The following COL23A1 variants were observed in gnomAD, a reference collection of about 807,000 sequenced individuals.
The protein encoded by COL23A1 is collagen type XXIII alpha 1 chain, also known as collagen alpha-1(XXIII) chain.
A neutral mutation model predicts 99.3 loss-of-function variants in COL23A1; 97 were observed. The ratio of observed to expected loss-of-function variants is 0.98; its 90% CI spans 0.83 to 1.16. The LOEUF is 1.16. COL23A1 is among the 50% of genes most tolerant of loss of function. The pLI, the probability that COL23A1 is intolerant of heterozygous loss-of-function variation, is 0.00. For synonymous variants in COL23A1, 320 were observed against 308.2 expected (o/e 1.04, Z -0.40); for missense variants, 762 against 757.4 (o/e 1.01, Z -0.07).
chr5:178,503,433 T>C (rs1758685766), intron 2 of COL23A1, among the ~76,000 whole-genome samples: 1 of 152,186 alleles, frequency 6.6e-6, no homozygotes, highest in Non-Finnish European at 1.5e-5. Flanking sequence ...TGAGGACATA[T>C]CACTGGCTCC....
At position 178,309,534 on chromosome 5, in the gene COL23A1, G is replaced by C. The variant is rs72819094; in HGVS notation, c.362-2615C>G. Reference sequence around the variant, plus strand: ...GGGGGCGCCATGTGACCGACTTGCAGATGGACAAGCGGTCTACCCTTTATT... The same window carrying C: ...GGGGGCGCCATGTGACCGACTTGCACATGGACAAGCGGTCTACCCTTTATT... On this transcript the variant is annotated intron_variant, in intron 2 of 28. Transcript: ENST00000390654. The surrounding 1 kb of genome is among the most constrained non-coding windows in gnomAD (Gnocchi z 4.7). Among the ~76,000 whole-genome samples the C allele has an allele frequency of 0.083, 12,574 of 152,138 alleles. 550 individuals are homozygous for C. The highest frequency in any genetic ancestry group is 0.13 in the Middle Eastern group (38 of 292).
chr5:178,361,394 G>A (rs186145510), intron 2 of COL23A1, among the ~76,000 whole-genome samples: 64 of 152,226 alleles, frequency 4.2e-4, no homozygotes, highest in African/African-American at 1.5e-3. Context: ...TAAGGCTTTC[G>A]AGCCCTTGCT....
intron 22 of COL23A1, 35 bp downstream of exon 22, chr5:178,247,491 G>C (rs773635804): frequency 6.2e-7 from 1 of 1,612,780 alleles, no homozygotes; most frequent in African/African-American, 1.3e-5. Context: ...CAGACGGTGA[G>C]TCTGAGGCCA....
At chr5:178,403,141 A>AC (rs1764563029) in intron 2 of COL23A1, among the ~76,000 whole-genome samples, 2 of 146,240 alleles carry the variant, frequency 1.4e-5, no homozygotes, top group South Asian at 2.2e-4. Flanking sequence ...TAAAAAATAA[A>AC]TACCATTTAC....
rs1443045318 is a variant in COL23A1, at chr5:178,307,827, A to G, written c.362-908T>C. Among the ~76,000 whole-genome samples the G allele has an allele frequency of 6.6e-6, 1 of 152,224 alleles. No individual in the cohort carries two copies. Among genetic ancestry groups the G allele is most frequent in the African/African-American group, 2.4e-5 (1 of 41,458 alleles). Reference sequence around the variant, plus strand: ...ACGTCTTGCTCACCCACTGTATGCCAGGATCTGGGCTGGGCCTGGAGGCGA... The same window carrying G: ...ACGTCTTGCTCACCCACTGTATGCCGGGATCTGGGCTGGGCCTGGAGGCGA... On this transcript the variant is annotated intron_variant, in intron 2 of 28. Coordinates refer to ENST00000390654, the MANE Select transcript of COL23A1 (RefSeq NM_173465.4). The surrounding 1 kb of genome is among the most constrained non-coding windows in gnomAD (Gnocchi z 4.2).
At chr5:178,534,249 C>T (rs561542503) in intron 2 of COL23A1, among the ~76,000 whole-genome samples, 15 of 152,270 alleles carry the variant, frequency 9.9e-5, no homozygotes, top group East Asian at 7.7e-4. Context: ...TGTACCTTCA[C>T]ACGGTGGAAG....
At chr5:178,454,103 C>T (rs1016354289) in intron 2 of COL23A1, among the ~76,000 whole-genome samples, 2 of 152,128 alleles carry the variant, frequency 1.3e-5, no homozygotes, top group African/African-American at 4.8e-5. Flanking sequence ...CACAGAAACA[C>T]AACATATGGA....
intron 18 of COL23A1, 149 bp from the exon 19 acceptor site, chr5:178,249,355 C>G (rs954847102): frequency 9.1e-6 from 7 of 765,710 alleles, no homozygotes; most frequent in Non-Finnish European, 1.5e-5. Flanking sequence ...GAGCCTCACC[C>G]GGATGCAGTG....
At chr5:178,567,662 C>T (rs958626122) in intron 1 of COL23A1, among the ~76,000 whole-genome samples, 10 of 152,104 alleles carry the variant, frequency 6.6e-5, no homozygotes, top group African/African-American at 1.7e-4. Flanking sequence ...AACTGGGAGA[C>T]GGAGGTTGCA....
chr5:178,517,259 G>A (rs769747364), intron 2 of COL23A1, among the ~76,000 whole-genome samples: 14 of 152,188 alleles, frequency 9.2e-5, no homozygotes, highest in Non-Finnish European at 1.9e-4. Flanking sequence ...TTAAAGGGAT[G>A]GATAAGTGGA....
chr5:178,492,461 G>T (rs548564821), intron 2 of COL23A1, among the ~76,000 whole-genome samples: 3 of 152,204 alleles, frequency 2.0e-5, no homozygotes, highest in South Asian at 4.2e-4. Flanking sequence ...AACCAACCCT[G>T]CCAACACCTT....
At chr5:178,455,154 C>T (rs1767700050) in intron 2 of COL23A1, among the ~76,000 whole-genome samples, 1 of 152,236 alleles carries the variant, frequency 6.6e-6, no homozygotes, top group African/African-American at 2.4e-5. Flanking sequence ...CAAATAAGGT[C>T]ACATTCAGAG....
chr5:178,534,063 G>A (rs1034134668), intron 2 of COL23A1, among the ~76,000 whole-genome samples: 1 of 152,062 alleles, frequency 6.6e-6, no homozygotes, highest in African/African-American at 2.4e-5. Context: ...CATTAATATT[G>A]GATGGCCAAA....
chr5:178,490,920 T>G (rs1298761724), intron 2 of COL23A1, among the ~76,000 whole-genome samples: 1 of 152,132 alleles, frequency 6.6e-6, no homozygotes, highest in Non-Finnish European at 1.5e-5. Flanking sequence ...GAGCTTGACT[T>G]TAAAACAACC....
In COL23A1 at chr5:178,313,545, A is replaced by C. The variant is rs923191246; in HGVS notation, c.362-6626T>G. ...GAGGATGGCATCCCCAAGGTCACAC[A>C]GTGGAGAAATGGCGGAACTGGAACT... On this transcript the variant is annotated intron_variant, in intron 2 of 28. Coordinates refer to ENST00000390654, the MANE Select transcript of COL23A1 (RefSeq NM_173465.4). The surrounding 1 kb of genome is among the most constrained non-coding windows in gnomAD (Gnocchi z 4.2). Among the ~76,000 whole-genome samples, 2 of 152,170 alleles carry C rather than the reference A, an allele frequency of 1.3e-5. No homozygotes were observed. The highest frequency in any genetic ancestry group is 2.9e-5 in the Non-Finnish European group (2 of 68,028).
At chr5:178,341,827 T>C (rs1287923273) in intron 2 of COL23A1, among the ~76,000 whole-genome samples, 1 of 152,192 alleles carries the variant, frequency 6.6e-6, no homozygotes, top group Non-Finnish European at 1.5e-5. Context: ...CCCTTGGCTC[T>C]TCCTGTTTCT....
chr5:178,568,293 G>A (rs1448706205), intron 1 of COL23A1, among the ~76,000 whole-genome samples: 7 of 152,218 alleles, frequency 4.6e-5, no homozygotes, highest in South Asian at 2.1e-4. Context: ...TAGATGGACC[G>A]TGGAATAGGA....
chr5:178,355,790 A>AT lies in COL23A1; in HGVS notation c.362-48872dup, dbSNP rs554038100. 5.6e-3 allele frequency among the ~76,000 whole-genome samples: 847 copies of AT among 151,900 alleles called. 10 individuals carry two copies. The highest frequency in any genetic ancestry group is 6.8e-3 in the Middle Eastern group (2 of 294). On this transcript the variant is annotated intron_variant, in intron 2 of 28. Transcript: ENST00000390654. ...CAGGCTTGTTTGTATTTTTTTCTGA[A>AT]TTTTTTTTGATCTGTGTTTAGCTGA...
chr5:178,520,852 C>T lies in COL23A1; in HGVS notation c.361+39830G>A, dbSNP rs151132422. On this transcript the variant is annotated intron_variant, in intron 2 of 28. Transcript: ENST00000390654. ...TTTAATTTCATTCCATTCAGTTGTCCAGACGGTATTAGGAAACAAAGAATT... is the reference window on the plus strand; with the variant it reads ...TTTAATTTCATTCCATTCAGTTGTCTAGACGGTATTAGGAAACAAAGAATT... Among the ~76,000 whole-genome samples the T allele has an allele frequency of 3.6e-3, 547 of 152,270 alleles. 4 individuals are homozygous for T. Among genetic ancestry groups the T allele is most frequent in the African/African-American group, 0.012 (496 of 41,548 alleles).
Sources: allele counts gnomAD v4.1 joint callset (sites outside exome capture counted in the v4.1 genomes callset), GRCh38; gene constraint gnomAD v4.1.1; non-coding constraint Gnocchi (gnomAD v3.1); transcripts MANE v1.5; gene names NCBI Gene and HGNC (gene_info 2026-07-23, HGNC 2026-07-21).